Variants in NFATC1 observed in about 807,000 individuals in gnomAD.
The protein encoded by NFATC1 is nuclear factor of activated T cells 1.
In NFATC1, 22 loss-of-function variants were observed where a neutral mutation model predicts 76.0. That is an observed-to-expected ratio of 0.29 (90% CI 0.21 to 0.41). The LOEUF (loss-of-function observed/expected upper bound fraction) is 0.41. Ranked by LOEUF, NFATC1 falls within the 10% of genes least tolerant of loss-of-function variation. NFATC1 has a pLI of 1.00. For synonymous variants in NFATC1, 704 were observed against 613.1 expected (o/e 1.15, Z -2.19); for missense variants, 1,357 against 1,337.7 (o/e 1.01, Z -0.23).
intron 3 of NFATC1, among the ~76,000 whole-genome samples, chr18:79,448,053 G>A (rs924472145): frequency 1.9e-4 from 29 of 152,238 alleles, no homozygotes; most frequent in Non-Finnish European, 1.5e-4. Flanking sequence ...TGCTCCATTT[G>A]TCTGGAGTCC....
At chr18:79,412,437 T>G (rs1452376209) in intron 2 of NFATC1, among the ~76,000 whole-genome samples, 3 of 122,594 alleles carry the variant, frequency 2.4e-5, no homozygotes, top group East Asian at 4.0e-4. Flanking sequence ...CTGTTTTTGT[T>G]TTTTTTTTTT....
chr18:79,447,096 C>T (rs2087240478), intron 3 of NFATC1, among the ~76,000 whole-genome samples: 1 of 152,150 alleles, frequency 6.6e-6, no homozygotes, highest in African/African-American at 2.4e-5. Flanking sequence ...ACTGTGGCCT[C>T]CTCCCTGGCG....
chr18:79,423,711 C>T (rs934748020), intron 2 of NFATC1, among the ~76,000 whole-genome samples: 3 of 152,220 alleles, frequency 2.0e-5, no homozygotes, highest in Non-Finnish European at 4.4e-5. Context: ...CCCCATCTTT[C>T]TGTTCCCACC....
chr18:79,495,717 C>T (rs546677394), intron 9 of NFATC1, among the ~76,000 whole-genome samples: 30 of 152,364 alleles, frequency 2.0e-4, no homozygotes, highest in East Asian at 1.9e-3. Context: ...GGCGTGTGTG[C>T]GATGCCTTTG....
chr18:79,457,211 C>T (rs2087780938), intron 6 of NFATC1, among the ~76,000 whole-genome samples: 2 of 152,174 alleles, frequency 1.3e-5, no homozygotes, highest in East Asian at 1.9e-4. Context: ...CCAGAGACCA[C>T]ACAGGGAAGG....
At chr18:79,428,806 A>G (rs745949868) in intron 2 of NFATC1, among the ~76,000 whole-genome samples, 5 of 151,962 alleles carry the variant, frequency 3.3e-5, no homozygotes, top group Non-Finnish European at 7.4e-5. Flanking sequence ...CACACCCTCT[A>G]GCCTAGGCAG....
chr18:79,481,712 G>C (rs548781883), intron 8 of NFATC1, among the ~76,000 whole-genome samples: 1 of 152,392 alleles, frequency 6.6e-6, no homozygotes, highest in South Asian at 2.1e-4. Flanking sequence ...GTTGTCTTCA[G>C]ATGGGGCCCA....
At chr18:79,413,193 A>C (rs2085759028) in intron 2 of NFATC1, among the ~76,000 whole-genome samples, 1 of 152,216 alleles carries the variant, frequency 6.6e-6, no homozygotes, top group Non-Finnish European at 1.5e-5. Context: ...ATAAGGGAAG[A>C]GTGATGTCAT....
At chr18:79,404,970 G>C (rs2085385325) in intron 1 of NFATC1, among the ~76,000 whole-genome samples, 1 of 152,248 alleles carries the variant, frequency 6.6e-6, no homozygotes, top group Admixed American at 6.5e-5. Context: ...AAGGTGTGTG[G>C]TTCTGAAGTG....
intron 9 of NFATC1, among the ~76,000 whole-genome samples, chr18:79,511,932 A>G (rs2090264134): frequency 6.6e-6 from 1 of 152,140 alleles, no homozygotes; most frequent in African/African-American, 2.4e-5. Context: ...TGGGGAGAGC[A>G]GGAAGCTGTG....
Position 79,486,804 on chromosome 18 carries a change from C to A in NFATC1, c.2649C>A (p.Arg883=), listed in dbSNP as rs766244133. Residue 883 remains arginine (R), a synonymous_variant, in exon 9 of 10, where the codon CGC becomes CGA. Transcript: ENST00000427363. ...CGCAGCACCTGCCGTCCACGGTCCG[C>A]AGGGACGAGTCTCCGACTGCCGGGC... ...GRPQHLPSTV[R]RDESPTAGPR... is the part of the protein sequence containing the mutation. 24 of 1,611,176 alleles carry A rather than the reference C, an allele frequency of 1.5e-5. No individual in the cohort carries two copies. In the African/African-American group the frequency reaches 2.1e-4, roughly 14 times the overall value.
intron 1 of NFATC1, chr18:79,402,321 G>A (rs754024103): frequency 7.1e-6 from 7 of 985,280 alleles, no homozygotes; most frequent in Non-Finnish European, 8.4e-6. Context: ...ATCGGATATG[G>A]GGACCCTGGT....
chr18:79,411,215 G>C lies in NFATC1; in HGVS notation c.940G>C (p.Ala314Pro). 6.2e-7 allele frequency: 1 copy of C among 1,607,842 alleles called. No individual in the cohort carries two copies. Residue 314 changes from alanine (A) to proline (P), a missense_variant, in exon 2 of 10, where the codon GCC becomes CCC. Physicochemically the swap from Ala to Pro is conservative, Grantham distance 27 (BLOSUM62 -1). Around this residue, in one of 3 missense-constraint regions of NFATC1, gnomAD observed 691 missense variants for 613.1 expected, o/e 1.13. Transcript: ENST00000427363. ...TTQYTSSAIV[A>P]AINALTTDSS... ...CCAGTACACCAGCTCGGCCATCGTG[G>C]CCGCCATCAACGCGCTGACCACCGA... is the stretch of plus-strand genomic sequence containing the variant.
intron 9 of NFATC1, 147 bp downstream of exon 9, chr18:79,487,084 A>C: frequency 4.3e-6 from 4 of 936,518 alleles, no homozygotes; most frequent in Non-Finnish European, 4.6e-6. Flanking sequence ...TCCTGATATA[A>C]AGTGCCCGTG....
intron 2 of NFATC1, among the ~76,000 whole-genome samples, chr18:79,430,699 A>C (rs1285075885): frequency 6.6e-6 from 1 of 152,068 alleles, no homozygotes; most frequent in African/African-American, 2.4e-5. Flanking sequence ...TTTGTTTTTC[A>C]TTTGTTTCTT....
At chr18:79,442,648 C>A (rs925946905) in intron 3 of NFATC1, among the ~76,000 whole-genome samples, 1 of 151,986 alleles carries the variant, frequency 6.6e-6, no homozygotes, top group Non-Finnish European at 1.5e-5. Context: ...GTGGCGGCGG[C>A]GGGTGGTGGC....
chr18:79,503,924 T>C (rs548538507), intron 9 of NFATC1, among the ~76,000 whole-genome samples: 4 of 152,350 alleles, frequency 2.6e-5, no homozygotes, highest in African/African-American at 9.6e-5. Context: ...TTCAACCTCA[T>C]GAACTAGCCT....
chr18:79,416,238 A>G (rs1348616267), intron 2 of NFATC1, among the ~76,000 whole-genome samples: 1 of 152,240 alleles, frequency 6.6e-6, no homozygotes, highest in African/African-American at 2.4e-5. Flanking sequence ...GTTTATCACA[A>G]TTTGGAATAA....
intron 3 of NFATC1, among the ~76,000 whole-genome samples, chr18:79,445,772 C>T (rs958454011): frequency 1.1e-4 from 16 of 152,216 alleles, no homozygotes; most frequent in African/African-American, 3.4e-4. Flanking sequence ...GCCTTGGCTC[C>T]GTTTCTGTGC....
Sources: allele counts gnomAD v4.1 joint callset (sites outside exome capture counted in the v4.1 genomes callset), GRCh38; gene constraint gnomAD v4.1.1; regional missense constraint gnomAD v4.1.1; transcripts MANE v1.5; gene names NCBI Gene and HGNC (gene_info 2026-07-23, HGNC 2026-07-21).